KDM4C: variants seen among roughly 807,000 people sequenced by gnomAD.
KDM4C encodes lysine demethylase 4C, also known as lysine-specific demethylase 4C.
KDM4C carries 81 observed loss-of-function variants against 129.3 expected under a neutral mutation model. The observed-to-expected ratio is 0.63, with a 90% CI of 0.52 to 0.75. The LOEUF (loss-of-function observed/expected upper bound fraction) is 0.75. Among genes scored for constraint, KDM4C ranks in the 30% least tolerant of loss-of-function variants. KDM4C has a pLI of 0.00. For synonymous variants in KDM4C, 573 were observed against 456.1 expected (o/e 1.26, Z -3.26); for missense variants, 1,457 against 1,304.0 (o/e 1.12, Z -1.81).
chr9:7,011,949 C>G (rs1822791865), intron 13 of KDM4C, 70 bp downstream of exon 13: 15 of 1,318,792 alleles, frequency 1.1e-5, no homozygotes, highest in Non-Finnish European at 1.5e-5. Context: ...CACAAGATCA[C>G]TGTAAATTGT....
chr9:6,825,241 A>G (rs182321374), intron 4 of KDM4C, among the ~76,000 whole-genome samples: 1 of 151,682 alleles, frequency 6.6e-6, no homozygotes, highest in East Asian at 1.9e-4. Flanking sequence ...CTTCTGGAAA[A>G]CTCTATACTC....
At chr9:7,118,831 A>G (rs1179948705) in intron 18 of KDM4C, among the ~76,000 whole-genome samples, 1 of 152,144 alleles carries the variant, frequency 6.6e-6, no homozygotes, top group Non-Finnish European at 1.5e-5. Context: ...CCAAGGTGAC[A>G]TCTCCGCCCA....
At chr9:7,007,518 G>A (rs1821898035) in intron 12 of KDM4C, among the ~76,000 whole-genome samples, 1 of 152,168 alleles carries the variant, frequency 6.6e-6, no homozygotes, top group South Asian at 2.1e-4. Context: ...ATTTCAAGTT[G>A]ATTAAGGCAA....
intron 17 of KDM4C, among the ~76,000 whole-genome samples, chr9:7,097,127 G>A (rs1225844377): frequency 6.6e-6 from 1 of 152,134 alleles, no homozygotes; most frequent in East Asian, 1.9e-4. Context: ...TTCAGGGTAA[G>A]CTCACAGTCT....
In KDM4C at chr9:6,842,332, T is replaced by TC. The variant is rs1217560507; in HGVS notation, c.436-7175_436-7174insC. On this transcript the variant is annotated intron_variant, in intron 4 of 21. Transcript: ENST00000381309. Reference sequence around the variant, plus strand: ...CATTTCTTTTTTTTTTTTTTTTTTTTTTGAGACGGAGTCTTGCTCTGTCAC... The same window carrying TC: ...CATTTCTTTTTTTTTTTTTTTTTTTTCTTGAGACGGAGTCTTGCTCTGTCAC... Among the ~76,000 whole-genome samples, 4 of 144,606 alleles carry TC rather than the reference T, an allele frequency of 2.8e-5. No individual in the cohort carries two copies. The East Asian group carries it at 8.2e-4, about 30-fold the overall frequency. The allele number at this position is 144,606 out of a possible 152,430, so 94.9% of individuals were successfully genotyped here.
chr9:6,817,483 G>T (rs966541442), intron 4 of KDM4C, among the ~76,000 whole-genome samples: 3 of 152,038 alleles, frequency 2.0e-5, no homozygotes, highest in Non-Finnish European at 4.4e-5. Flanking sequence ...GGGATTACAG[G>T]TGTGAGCCAC....
intron 8 of KDM4C, among the ~76,000 whole-genome samples, chr9:6,928,234 C>G (rs771263319): frequency 3.9e-5 from 6 of 152,224 alleles, no homozygotes; most frequent in Non-Finnish European, 7.3e-5. Flanking sequence ...TTCCAGCTTT[C>G]CAGCCGTTAT....
intron 16 of KDM4C, among the ~76,000 whole-genome samples, chr9:7,047,809 T>G (rs1375918468): frequency 1.3e-5 from 2 of 151,974 alleles, no homozygotes; most frequent in Non-Finnish European, 2.9e-5. Flanking sequence ...TAGAACCCAG[T>G]GTCAGTGGGG....
At chr9:6,955,824 C>A (rs1828969218) in intron 8 of KDM4C, among the ~76,000 whole-genome samples, 1 of 152,314 alleles carries the variant, frequency 6.6e-6, no homozygotes, top group Non-Finnish European at 1.5e-5. Flanking sequence ...CAGAGCAAGT[C>A]ACTAACCGCA....
chr9:6,744,954 G>A (rs1182597219), intron 1 of KDM4C, among the ~76,000 whole-genome samples: 2 of 152,102 alleles, frequency 1.3e-5, no homozygotes, highest in Non-Finnish European at 2.9e-5. Context: ...GGATGGAGGT[G>A]CACGGCCAGC....
chr9:7,068,151 A>G (rs1296489157), intron 17 of KDM4C, among the ~76,000 whole-genome samples: 1 of 152,126 alleles, frequency 6.6e-6, no homozygotes, highest in Non-Finnish European at 1.5e-5. Flanking sequence ...GCATTTTACC[A>G]TGCTGTGTTA....
Position 7,169,869 on chromosome 9 carries a change from C to G in KDM4C, c.2973C>G (p.Pro991=). ...EDIYTLDEEL[P]KRVKARFSTA... Reference sequence around the variant, plus strand: ...TCTACACTTTAGATGAAGAGTTACCCAAGAGAGTGAAAGCTCGATTTGTAA... The same window carrying G: ...TCTACACTTTAGATGAAGAGTTACCGAAGAGAGTGAAAGCTCGATTTGTAA... The change falls in exon 21 of 22, where the codon CCC becomes CCG. Residue 991 remains proline (P), a synonymous_variant. Coordinates refer to ENST00000381309, the MANE Select transcript of KDM4C (RefSeq NM_015061.6). 6.2e-7 allele frequency: 1 copy of G among 1,613,932 alleles called. No individual in the cohort carries two copies. The highest frequency in any genetic ancestry group is 1.1e-5 in the South Asian group (1 of 91,064).
At chr9:7,165,509 C>G in intron 20 of KDM4C, 152 bp downstream of exon 20, 1 of 847,654 alleles carries the variant, frequency 1.2e-6, no homozygotes. Flanking sequence ...TGTAATGACC[C>G]AGGTCGAAAC....
At chr9:6,815,762 T>C (rs1254868859) in intron 4 of KDM4C, among the ~76,000 whole-genome samples, 1 of 152,170 alleles carries the variant, frequency 6.6e-6, no homozygotes, top group Non-Finnish European at 1.5e-5. Flanking sequence ...ATGCAAATAC[T>C]CCAAAATGGG....
intron 8 of KDM4C, among the ~76,000 whole-genome samples, chr9:6,973,269 C>A (rs749492326): frequency 1.3e-5 from 2 of 152,180 alleles, no homozygotes; most frequent in Admixed American, 1.3e-4. Context: ...TCTTGAACTT[C>A]TGGCCTCAAG....
chr9:6,996,168 G>C (rs2821439), intron 12 of KDM4C, among the ~76,000 whole-genome samples: 151,200 of 152,312 alleles, frequency 0.99, 75,057 homozygotes, highest in Middle Eastern at 1. Context: ...ATTTTGATGT[G>C]ATTCACACTC....
At chr9:7,116,739 T>C (rs963409193) in intron 18 of KDM4C, among the ~76,000 whole-genome samples, 2 of 152,210 alleles carry the variant, frequency 1.3e-5, no homozygotes, top group African/African-American at 4.8e-5. Flanking sequence ...TTTGGCTGAC[T>C]TCCCTTTCAC....
chr9:7,068,681 C>CCTCT lies in KDM4C; in HGVS notation c.2424+19483_2424+19484insCTCT, dbSNP rs1244997927. On this transcript the variant is annotated intron_variant, in intron 17 of 21. Transcript: ENST00000381309. Reference sequence around the variant, plus strand: ...TCTATTTCATACATGTTTATGATGCCCTTTCTTTTTTTTTTTTTTTTTTTT... The same window carrying CCTCT: ...TCTATTTCATACATGTTTATGATGCCCTCTCTTTCTTTTTTTTTTTTTTTTTTTT... Among the ~76,000 whole-genome samples, 19 of 132,092 alleles carry CCTCT rather than the reference C, an allele frequency of 1.4e-4. 3 individuals are homozygous for CCTCT. Among genetic ancestry groups the CCTCT allele is most frequent in the Non-Finnish European group, 2.6e-4 (17 of 64,916 alleles). 86.7% of individuals were successfully genotyped at this position (132,092 alleles called of 152,430 possible).
chr9:7,174,635 T>C lies in KDM4C; in HGVS notation c.3077T>C (p.Leu1026Pro), dbSNP rs1203558520. The change falls in exon 22 of 22, where the codon CTG (leucine) becomes CCG (proline). Residue 1026 changes from leucine to proline, a missense_variant. Physicochemically the swap from Leu to Pro is moderately conservative, Grantham distance 98. Coordinates refer to ENST00000381309, the MANE Select transcript of KDM4C (RefSeq NM_015061.6). The part of the protein sequence containing the change: ...IQGERKRQRV[L>P]SSRFKNEYVA... ...GGGGAGAGAAAGAGACAAAGAGTGC[T>C]GAGCTCCAGGTTTAAGAATGAATAT... 6.2e-7 allele frequency: 1 copy of C among 1,614,170 alleles called. No homozygotes were observed. Among genetic ancestry groups the C allele is most frequent in the Admixed American group, 1.7e-5 (1 of 60,022 alleles).
Sources: gnomAD v4.1 joint callset for allele counts (sites outside exome capture counted in the v4.1 genomes callset) on GRCh38, gnomAD v4.1.1 for gene constraint, MANE v1.5 for transcripts, NCBI Gene and HGNC (gene_info 2026-07-23, HGNC 2026-07-21) for gene names.